GASK1B: variants seen among roughly 807,000 people sequenced by gnomAD.
GASK1B encodes the protein Golgi-associated kinase 1B.
GASK1B carries 34 observed loss-of-function variants against 42.8 expected under a neutral mutation model. The ratio of observed to expected loss-of-function variants is 0.79; its 90% confidence interval spans 0.60 to 1.06. GASK1B has a LOEUF of 1.06. GASK1B is among the 50% of genes least tolerant of loss of function. GASK1B has a pLI of 0.00. For missense variants in GASK1B, 686 were observed against 661.0 expected (o/e 1.04, Z -0.42); for synonymous variants, 262 against 259.1 (o/e 1.01, Z -0.11).
chr4:158,159,701 T>TA (rs527781500), intron 2 of GASK1B: 21 of 162,092 alleles, frequency 1.3e-4, no homozygotes, highest in Middle Eastern at 1.0e-3. Context: ...ATAGCTGTCC[T>TA]AAAAAATGAG....
At chr4:158,170,242 C>T (rs1732416689) in intron 2 of GASK1B, 1 of 1,614,046 alleles carries the variant, frequency 6.2e-7, no homozygotes, top group Non-Finnish European at 8.5e-7. Flanking sequence ...ACAGTATGGG[C>T]TTACTCTTGC....
At chr4:158,144,893 A>C (rs552549631) in intron 3 of GASK1B, among the ~76,000 whole-genome samples, 2 of 152,330 alleles carry the variant, frequency 1.3e-5, no homozygotes, top group African/African-American at 4.8e-5. Flanking sequence ...CTGATTCAGC[A>C]AAGCAATAAA....
intron 3 of GASK1B, among the ~76,000 whole-genome samples, chr4:158,133,090 A>G (rs1312680761): frequency 2.0e-5 from 3 of 152,180 alleles, no homozygotes; most frequent in African/African-American, 7.2e-5. Context: ...CTTTGAGTAT[A>G]AGAGAAATCA....
intron 2 of GASK1B, 111 bp from the exon 3 acceptor site, chr4:158,155,936 A>G (rs999439644): frequency 2.5e-6 from 2 of 788,510 alleles, no homozygotes; most frequent in Non-Finnish European, 4.1e-6. Context: ...CAAATGTGAG[A>G]GTTTAATCTG....
intron 2 of GASK1B, among the ~76,000 whole-genome samples, chr4:158,159,084 T>C (rs147255604): frequency 1.6e-3 from 238 of 152,286 alleles, no homozygotes; most frequent in African/African-American, 5.5e-3. Context: ...CTGATAAGTA[T>C]AATTGGTTTT....
chr4:158,137,881 T>G (rs2110945656), intron 3 of GASK1B, among the ~76,000 whole-genome samples: 1 of 152,326 alleles, frequency 6.6e-6, no homozygotes, highest in African/African-American at 2.4e-5. Context: ...AAGAGAAATG[T>G]AAAAATAGTC....
chr4:158,171,385 G>A lies in GASK1B; in HGVS notation c.-10C>T, dbSNP rs896476649. 6 of 1,544,322 alleles carry A rather than the reference G, an allele frequency of 3.9e-6. No homozygotes were observed. The highest frequency in any genetic ancestry group is 2.0e-4 in the Middle Eastern group (1 of 5,128). On this transcript the variant is annotated 5_prime_UTR_variant, in exon 2 of 5. Coordinates refer to ENST00000585682, the MANE Select transcript of GASK1B (RefSeq NM_001128424.2). ...TGTCTGGACAGGTCATTTCTCTGCC[G>A]CATCCACATGTTGAACGGAGTTTAA...
chr4:158,162,357 G>A (rs1304475697), intron 2 of GASK1B, among the ~76,000 whole-genome samples: 1 of 152,090 alleles, frequency 6.6e-6, no homozygotes, highest in Admixed American at 6.5e-5. Context: ...TAGTCCTCTG[G>A]ATCTCCAACT....
chr4:158,171,076 G>A lies in GASK1B; in HGVS notation c.300C>T (p.Ser100=), dbSNP rs1310508415. The change falls in exon 2 of 5, where the codon TCC becomes TCT. Residue 100 remains serine, a synonymous_variant. Coordinates refer to ENST00000585682, the MANE Select transcript of GASK1B (RefSeq NM_001128424.2). ...TGTACACCACATTGGGCTGCAGAGT[G>A]GACCCATTGCCCTGGGACTCTGGAG... The part of the protein sequence containing the change: ...LAPPESQGNG[S]TLQPNVVYIT... 1.4e-5 allele frequency: 22 copies of A among 1,611,070 alleles called. No individual in the cohort carries two copies. Among genetic ancestry groups the A allele is most frequent in the Admixed American group, 1.7e-5 (1 of 59,940 alleles).
intron 3 of GASK1B, among the ~76,000 whole-genome samples, chr4:158,136,796 A>C (rs1308818563): frequency 6.6e-6 from 1 of 152,232 alleles, no homozygotes; most frequent in Non-Finnish European, 1.5e-5. Flanking sequence ...TAGAAAGAAG[A>C]ATGCATATCA....
intron 2 of GASK1B, among the ~76,000 whole-genome samples, chr4:158,165,868 T>C (rs1732211234): frequency 6.6e-6 from 1 of 152,140 alleles, no homozygotes; most frequent in South Asian, 2.1e-4. Context: ...AAGAGTAATA[T>C]CTGCTATGTA....
In GASK1B at chr4:158,127,032, C is replaced by T. The variant is rs534295830; in HGVS notation, c.*375G>A. 3.3e-4 allele frequency: 60 copies of T among 180,730 alleles called. No homozygotes were observed. The highest frequency in any genetic ancestry group is 6.0e-4 in the Non-Finnish European group (52 of 86,232). 11.2% of individuals were successfully genotyped at this position (180,730 alleles called of 1,614,324 possible). The stretch of plus-strand genomic sequence containing the variant: ...TAGTATTTGGTCAGAACAGTCAAAA[C>T]GGCACAAAATATGGTTTATTAATGG... On this transcript the variant is annotated 3_prime_UTR_variant, in exon 5 of 5. Coordinates refer to ENST00000585682, the MANE Select transcript of GASK1B (RefSeq NM_001128424.2).
intron 2 of GASK1B, chr4:158,159,495 A>G (rs1731884782): frequency 2.3e-6 from 1 of 440,174 alleles, no homozygotes; most frequent in Non-Finnish European, 4.5e-6. Context: ...TGAAAACAGG[A>G]AACTGGTTAA....
chr4:158,153,703 A>G (rs182023246), intron 3 of GASK1B, among the ~76,000 whole-genome samples: 189 of 152,338 alleles, frequency 1.2e-3, no homozygotes, highest in African/African-American at 3.4e-3. Flanking sequence ...ATAAAGTCAA[A>G]TACTTACAGC....
In GASK1B at chr4:158,170,754, A is replaced by T. The variant is rs756044311; in HGVS notation, c.622T>A (p.Tyr208Asn). ...PSSRESNIRI[Y>N]SESAPSWLSK... ...AGCCAGGAGGGGGCGCTCTCGCTGT[A>T]GATCCTAATGTTGCTCTCCCTGGAG... Residue 208 changes from tyrosine (Y) to asparagine (N), a missense_variant, in exon 2 of 5, where the codon TAC (tyrosine) becomes AAC (asparagine). By Grantham distance (143) the Tyr-to-Asn change is moderately radical. Coordinates refer to ENST00000585682, the MANE Select transcript of GASK1B (RefSeq NM_001128424.2). 3.1e-6 allele frequency: 5 copies of T among 1,614,224 alleles called. No homozygotes were observed. The highest frequency in any genetic ancestry group is 4.2e-6 in the Non-Finnish European group (5 of 1,180,034).
At chr4:158,169,975 G>GGC (rs886700627) in intron 2 of GASK1B, 17 of 463,992 alleles carry the variant, frequency 3.7e-5, no homozygotes, top group African/African-American at 2.6e-4. Context: ...AAAAAGGGGG[G>GGC]GTTAAACCTA....
At chr4:158,157,777 T>C (rs1331077598) in intron 2 of GASK1B, among the ~76,000 whole-genome samples, 1 of 152,112 alleles carries the variant, frequency 6.6e-6, no homozygotes, top group East Asian at 1.9e-4. Context: ...ATATGGAAAT[T>C]GATCTACATA....
At chr4:158,129,449 C>G (rs1291628624) in intron 4 of GASK1B, among the ~76,000 whole-genome samples, 2 of 152,138 alleles carry the variant, frequency 1.3e-5, no homozygotes, top group Non-Finnish European at 2.9e-5. Context: ...GTCAACAGGG[C>G]AGGACCCGGC....
At chr4:158,170,404 A>C in intron 2 of GASK1B, 62 bp downstream of exon 2, 1 of 1,614,100 alleles carries the variant, frequency 6.2e-7, no homozygotes, top group South Asian at 1.1e-5. Context: ...AGAGTGAGGG[A>C]AAAAAGAAAA....
Sources: allele counts gnomAD v4.1 joint callset (sites outside exome capture counted in the v4.1 genomes callset), GRCh38; gene constraint gnomAD v4.1.1; transcripts MANE v1.5; gene names NCBI Gene and HGNC (gene_info 2026-07-23, HGNC 2026-07-21).